Variants in LRRTM4 observed in about 807,000 individuals in gnomAD.
LRRTM4 encodes the protein leucine-rich repeat transmembrane neuronal protein 4.
LRRTM4 carries 25 observed loss-of-function variants against 47.6 expected under a neutral mutation model. The ratio of observed to expected loss-of-function variants is 0.53; its 90% CI spans 0.38 to 0.73. LRRTM4 has a LOEUF of 0.73. Among genes scored for constraint, LRRTM4 ranks in the 30% least tolerant of loss-of-function variants. The pLI, the probability that LRRTM4 is intolerant of heterozygous loss-of-function variation, is 0.00. For missense variants in LRRTM4, 638 were observed against 713.4 expected (o/e 0.89, Z 1.20); for synonymous variants, 311 against 269.5 (o/e 1.15, Z -1.51).
intron 3 of LRRTM4, among the ~76,000 whole-genome samples, chr2:77,203,327 A>C (rs1341638517): frequency 6.6e-6 from 1 of 151,998 alleles, no homozygotes; most frequent in Non-Finnish European, 1.5e-5. Context: ...TACAACCTTG[A>C]CTCCTGGAGA....
intron 3 of LRRTM4, among the ~76,000 whole-genome samples, chr2:77,069,935 T>C (rs1396134359): frequency 1.3e-5 from 2 of 152,176 alleles, no homozygotes; most frequent in African/African-American, 4.8e-5. Flanking sequence ...CTGTAAAACA[T>C]ATTTCAGAAA....
At chr2:77,296,183 T>C (rs563262823) in intron 3 of LRRTM4, among the ~76,000 whole-genome samples, 1 of 152,348 alleles carries the variant, frequency 6.6e-6, no homozygotes, top group East Asian at 1.9e-4. Context: ...GTAGATACGA[T>C]AGAAATATTT....
chr2:77,231,448 T>C (rs1674963264), intron 3 of LRRTM4, among the ~76,000 whole-genome samples: 1 of 152,170 alleles, frequency 6.6e-6, no homozygotes, highest in Non-Finnish European at 1.5e-5. Flanking sequence ...CCATGGCCTG[T>C]TTTTACAGAT....
chr2:76,867,823 C>CT (rs1672508756), intron 3 of LRRTM4, among the ~76,000 whole-genome samples: 1 of 152,150 alleles, frequency 6.6e-6, no homozygotes, highest in African/African-American at 2.4e-5. Context: ...ACCCTTTCCC[C>CT]TTAATACACC....
intron 3 of LRRTM4, chr2:77,009,645 A>G (rs1250998298): frequency 6.6e-6 from 1 of 152,068 alleles, no homozygotes; most frequent in African/African-American, 2.4e-5. Context: ...TTTAACATTA[A>G]ACTTGAACAC....
rs540454732 is a variant in LRRTM4, at chr2:76,962,136, T to G, written c.1552-213220A>C. Among the ~76,000 whole-genome samples the G allele has an allele frequency of 1.3e-4, 19 of 151,386 alleles. No individual in the cohort carries two copies. In the East Asian group the frequency reaches 2.7e-3, roughly 22 times the overall value. On this transcript the variant is annotated intron_variant, in intron 3 of 3. Coordinates refer to ENST00000409884, the MANE Select transcript of LRRTM4 (RefSeq NM_001134745.3). ...AAGGCTTGGAGTAGTAAACTATATG[T>G]TTAAGAAAGGACACACTTTAAATGG...
At chr2:77,224,962 G>C (rs1447302215) in intron 3 of LRRTM4, among the ~76,000 whole-genome samples, 3 of 151,848 alleles carry the variant, frequency 2.0e-5, no homozygotes, top group African/African-American at 7.3e-5. Flanking sequence ...TTAGAACCAA[G>C]CCAAATGTCC....
Position 76,804,635 on chromosome 2 carries a change from ATATATAC to A in LRRTM4, c.1552-55726_1552-55720del, listed in dbSNP as rs932892526. Among the ~76,000 whole-genome samples, 236 of 145,642 alleles carry A rather than the reference ATATATAC, an allele frequency of 1.6e-3. 1 individual carries two copies. The highest frequency in any genetic ancestry group is 5.4e-3 in the African/African-American group (219 of 40,190). ...TACATATGCATAGTATCTTGTACAT[ATATATAC>A]TATATATATAGTAAATATATAGTAT... is the stretch of plus-strand genomic sequence containing the variant. On this transcript the variant is annotated intron_variant, in intron 3 of 3. Transcript: ENST00000409884.
intron 3 of LRRTM4, among the ~76,000 whole-genome samples, chr2:77,082,354 G>A (rs184474751): frequency 4.6e-5 from 7 of 151,770 alleles, no homozygotes; most frequent in Non-Finnish European, 1.0e-4. Context: ...TATGCGAGAG[G>A]GACCCAAAAT....
At chr2:76,974,183 C>CATACATATAT in intron 3 of LRRTM4, among the ~76,000 whole-genome samples, 2 of 102,434 alleles carry the variant, frequency 2.0e-5, no homozygotes, top group Non-Finnish European at 3.6e-5. Context: ...CATATATATA[C>CATACATATAT]ATACATATAT....
chr2:77,468,052 T>A (rs1011696907), intron 3 of LRRTM4, among the ~76,000 whole-genome samples: 1 of 152,152 alleles, frequency 6.6e-6, no homozygotes, highest in Non-Finnish European at 1.5e-5. Flanking sequence ...TCATTAGATT[T>A]TTTTCTCCAA....
At chr2:77,485,550 T>C (rs1677877030) in intron 3 of LRRTM4, among the ~76,000 whole-genome samples, 1 of 152,078 alleles carries the variant, frequency 6.6e-6, no homozygotes. Context: ...TTAGATAAGA[T>C]TGTAAAGATT....
intron 3 of LRRTM4, among the ~76,000 whole-genome samples, chr2:76,799,063 T>G (rs1573126455): frequency 6.7e-6 from 1 of 148,478 alleles, no homozygotes; most frequent in East Asian, 2.0e-4. Flanking sequence ...ACTATTCCAA[T>G]CAATAGAAAA....
chr2:76,897,328 C>T (rs1209930881), intron 3 of LRRTM4, among the ~76,000 whole-genome samples: 3 of 152,054 alleles, frequency 2.0e-5, no homozygotes, highest in South Asian at 2.1e-4. Flanking sequence ...ATCTCAAATT[C>T]TGTCTTTGTA....
intron 3 of LRRTM4, among the ~76,000 whole-genome samples, chr2:77,113,540 C>T (rs1050258807): frequency 8.5e-5 from 13 of 152,108 alleles, no homozygotes; most frequent in East Asian, 3.9e-4. Context: ...CAAGAGTAGG[C>T]ACCTGAGACG....
intron 3 of LRRTM4, among the ~76,000 whole-genome samples, chr2:76,933,393 G>A (rs1674837613): frequency 6.6e-6 from 1 of 151,984 alleles, no homozygotes; most frequent in Non-Finnish European, 1.5e-5. Flanking sequence ...ACAAATACCT[G>A]CTTGCCTGCA....
At chr2:77,457,273 T>C (rs1424558044) in intron 3 of LRRTM4, among the ~76,000 whole-genome samples, 1 of 151,952 alleles carries the variant, frequency 6.6e-6, no homozygotes, top group Non-Finnish European at 1.5e-5. Flanking sequence ...TTCTCTCAGA[T>C]TTTTATCTCT....
chr2:77,467,359 C>A (rs1337624365), intron 3 of LRRTM4, among the ~76,000 whole-genome samples: 3 of 152,126 alleles, frequency 2.0e-5, no homozygotes, highest in Non-Finnish European at 2.9e-5. Context: ...TCATGCAGGA[C>A]TCAGAAAGGA....
At chr2:77,148,177 C>T (rs13386913) in intron 3 of LRRTM4, among the ~76,000 whole-genome samples, 1,995 of 152,252 alleles carry the variant, frequency 0.013, 51 homozygotes, top group African/African-American at 0.045. Flanking sequence ...TCCTTTCTAA[C>T]TTTTACTTCA....
Sources: allele counts gnomAD v4.1 joint callset (sites outside exome capture counted in the v4.1 genomes callset), GRCh38; gene constraint gnomAD v4.1.1; transcripts MANE v1.5; gene names NCBI Gene and HGNC (gene_info 2026-07-23, HGNC 2026-07-21).